WASF3: variants seen among roughly 807,000 people sequenced by gnomAD.
WASF3 encodes the protein WASP family member 3, also known as actin-binding protein WASF3.
A neutral mutation model predicts 46.6 loss-of-function variants in WASF3; 11 were observed. That is an observed-to-expected ratio of 0.24 (90% CI 0.15 to 0.39). The LOEUF (loss-of-function observed/expected upper bound fraction) is 0.39, where lower values mean the gene tolerates loss of function less well. WASF3 is among the 10% of genes least tolerant of loss of function. The pLI is 1.00. For missense variants in WASF3, 576 were observed against 669.8 expected (o/e 0.86, Z 1.55); for synonymous variants, 242 against 259.7 (o/e 0.93, Z 0.65).
intron 2 of WASF3, among the ~76,000 whole-genome samples, chr13:26,637,192 C>T (rs1255319154): frequency 6.6e-6 from 1 of 152,182 alleles, no homozygotes; most frequent in Non-Finnish European, 1.5e-5. Context: ...CATGTAATGC[C>T]TGCAGGGGGA....
intron 2 of WASF3, among the ~76,000 whole-genome samples, chr13:26,631,320 C>T (rs1008921578): frequency 2.0e-5 from 3 of 152,168 alleles, no homozygotes; most frequent in African/African-American, 7.2e-5. Flanking sequence ...ACATTTAAAT[C>T]TTTAATCTGT....
intron 9 of WASF3, among the ~76,000 whole-genome samples, chr13:26,683,288 A>C (rs1023290889): frequency 1.3e-5 from 2 of 152,046 alleles, no homozygotes; most frequent in Non-Finnish European, 1.5e-5. Context: ...CCTGGGCAAC[A>C]TGGCAAAACT....
the WASF3 span, among the ~76,000 whole-genome samples, chr13:26,540,888 T>C: frequency 2.0e-5 from 3 of 152,188 alleles, no homozygotes; most frequent in Non-Finnish European, 4.4e-5. Context: ...TTTGTGTTGG[T>C]GCTAAGTGGA....
chr13:26,584,108 A>G (rs1047496394), intron 1 of WASF3, among the ~76,000 whole-genome samples: 6 of 152,204 alleles, frequency 3.9e-5, no homozygotes, highest in Admixed American at 1.3e-4. Context: ...TCAAACAAGC[A>G]TCTAACAAAG....
At chr13:26,559,100 A>G (rs908302962) in intron 1 of WASF3, among the ~76,000 whole-genome samples, 3 of 152,248 alleles carry the variant, frequency 2.0e-5, no homozygotes, top group African/African-American at 7.2e-5. Context: ...TTGAGAGGTT[A>G]AACAAACGAA....
intron 1 of WASF3, among the ~76,000 whole-genome samples, chr13:26,607,570 A>C (rs1880835846): frequency 6.6e-6 from 1 of 152,066 alleles, no homozygotes; most frequent in Admixed American, 6.6e-5. Context: ...ATTGGTGGCC[A>C]TGAATCTCTT....
chr13:26,636,459 T>A (rs1881823883), intron 2 of WASF3, among the ~76,000 whole-genome samples: 1 of 152,212 alleles, frequency 6.6e-6, no homozygotes, highest in South Asian at 2.1e-4. Context: ...TGACCCCTTG[T>A]GTTTCCTGGG....
chr13:26,540,724 A>G, the WASF3 span, among the ~76,000 whole-genome samples: 1 of 152,148 alleles, frequency 6.6e-6, no homozygotes, highest in South Asian at 2.1e-4. Context: ...GGCCAATTCC[A>G]GGGTTTTCTT....
At chr13:26,577,710 G>T (rs547404249) in intron 1 of WASF3, 58 of 801,082 alleles carry the variant, frequency 7.2e-5, no homozygotes, top group Non-Finnish European at 1.2e-4. Flanking sequence ...CAAGTAAAAA[G>T]TCCTATTTGT....
In WASF3 at chr13:26,687,427, C is replaced by T. The variant is rs1275274689; in HGVS notation, c.*1582C>T. 1 of 152,174 alleles carries T rather than the reference C, an allele frequency of 6.6e-6. No homozygotes were observed. Among genetic ancestry groups the T allele is most frequent in the Non-Finnish European group, 1.5e-5 (1 of 68,092 alleles). The allele number at this position is 152,174 out of a possible 1,614,324, so 9.4% of individuals were successfully genotyped here. On this transcript the variant is annotated 3_prime_UTR_variant, in exon 10 of 10. Coordinates refer to ENST00000335327, the MANE Select transcript of WASF3 (RefSeq NM_006646.6). ...AGCAAGTCAGCCAGCCCCGAAGTCC[C>T]CTCAGTGTGTGTGTCTCGAGTGGCT...
chr13:26,574,071 T>A (rs760951289), intron 1 of WASF3, among the ~76,000 whole-genome samples: 2 of 152,220 alleles, frequency 1.3e-5, no homozygotes, highest in Non-Finnish European at 2.9e-5. Context: ...GTATTTCTAG[T>A]TTTGTTTTTG....
At chr13:26,594,821 C>T (rs1255943957) in intron 1 of WASF3, among the ~76,000 whole-genome samples, 1 of 45,924 alleles carries the variant, frequency 2.2e-5, no homozygotes, top group Non-Finnish European at 5.1e-5. Flanking sequence ...TTTGGAGCTC[C>T]ACATTGTCTG....
chr13:26,562,289 G>A (rs972264621), intron 1 of WASF3, among the ~76,000 whole-genome samples: 2 of 152,140 alleles, frequency 1.3e-5, no homozygotes, highest in Non-Finnish European at 2.9e-5. Context: ...AGAAGGATGG[G>A]GGTCATGGTG....
rs560102177 is a variant in WASF3, at chr13:26,672,477, G to A, written c.540+488G>A. Among the ~76,000 whole-genome samples the A allele has an allele frequency of 2.0e-5, 3 of 152,300 alleles. No individual in the cohort carries two copies. In the South Asian group the frequency reaches 6.2e-4, roughly 32 times the overall value. ...ACTGAAAATGAGCCTCCCTTTAAGG[G>A]GTAGGGGTAGGAAGAGAATTGCAAG... is the stretch of plus-strand genomic sequence containing the variant. On this transcript the variant is annotated intron_variant, in intron 6 of 9. Transcript: ENST00000335327.
At chr13:26,593,471 T>C (rs1172411575) in intron 1 of WASF3, among the ~76,000 whole-genome samples, 1 of 152,250 alleles carries the variant, frequency 6.6e-6, no homozygotes, top group Non-Finnish European at 1.5e-5. Context: ...TTTTAAATTA[T>C]TGTTATTATT....
chr13:26,641,398 T>A (rs1488254881), intron 2 of WASF3: 1 of 152,124 alleles, frequency 6.6e-6, no homozygotes, highest in African/African-American at 2.4e-5. Flanking sequence ...GCAGCCTAGG[T>A]GTACCAAAAT....
chr13:26,553,590 G>A (rs1397796487), upstream of WASF3, among the ~76,000 whole-genome samples: 1 of 152,044 alleles, frequency 6.6e-6, no homozygotes, highest in Non-Finnish European at 1.5e-5. Context: ...GGCCGAGGCG[G>A]GCGGATCATG....
the WASF3 span, among the ~76,000 whole-genome samples, chr13:26,545,662 G>T: frequency 1.3e-5 from 2 of 152,186 alleles, no homozygotes; most frequent in African/African-American, 4.8e-5. Flanking sequence ...CTAGAGGGCA[G>T]TGGTGTTATC....
At chr13:26,597,536 G>A (rs1593138955) in intron 1 of WASF3, among the ~76,000 whole-genome samples, 3 of 151,956 alleles carry the variant, frequency 2.0e-5, no homozygotes, top group East Asian at 3.9e-4. Flanking sequence ...CAACGTGCAG[G>A]TTTGTTACAT....
Sources: allele counts gnomAD v4.1 joint callset (sites outside exome capture counted in the v4.1 genomes callset), GRCh38; gene constraint gnomAD v4.1.1; transcripts MANE v1.5; gene names NCBI Gene and HGNC (gene_info 2026-07-23, HGNC 2026-07-21).